Variants in RBPJ observed in about 807,000 individuals in gnomAD.
RBPJ encodes recombination signal binding protein for immunoglobulin kappa J region, also known as recombining binding protein suppressor of hairless.
A neutral mutation model predicts 67.8 loss-of-function variants in RBPJ; 9 were observed. The observed-to-expected ratio is 0.13, with a 90% CI of 0.08 to 0.23. RBPJ has a LOEUF of 0.23. RBPJ is among the 10% of genes least tolerant of loss of function. The probability of loss-of-function intolerance (pLI) is 1.00; values close to 1 mark genes in which losing one functional copy is unlikely to be tolerated. For missense variants in RBPJ, 305 were observed against 595.6 expected, an observed-to-expected ratio of 0.51 and a Z score of 5.08; for synonymous variants, 198 against 203.3, an observed-to-expected ratio of 0.97 and a Z score of 0.22.
chr4:26,212,001 C>T (rs1718441776), intron 1 of RBPJ, among the ~76,000 whole-genome samples: 3 of 152,234 alleles, frequency 2.0e-5, no homozygotes, highest in Admixed American at 2.0e-4. Context: ...TGCCAGCAAG[C>T]ACAGAAGCCA....
intron 1 of RBPJ, among the ~76,000 whole-genome samples, chr4:26,314,037 A>G (rs1475662087): frequency 6.6e-6 from 1 of 152,148 alleles, no homozygotes; most frequent in Admixed American, 6.5e-5. Context: ...TCTCTCACCT[A>G]TATCATCCAG....
At chr4:26,310,179 A>C (rs1161748065) in intron 1 of RBPJ, among the ~76,000 whole-genome samples, 2 of 152,188 alleles carry the variant, frequency 1.3e-5, no homozygotes, top group East Asian at 3.9e-4. Context: ...TGAAGCTGTG[A>C]TTCATTTTCA....
the RBPJ span, among the ~76,000 whole-genome samples, chr4:26,124,708 T>G: frequency 6.6e-6 from 1 of 151,974 alleles, no homozygotes; most frequent in African/African-American, 2.4e-5. Context: ...CCACAAGTGG[T>G]GTAGAAGTGT....
chr4:26,301,192 A>G (rs574611650), intron 1 of RBPJ, among the ~76,000 whole-genome samples: 3 of 152,314 alleles, frequency 2.0e-5, no homozygotes, highest in Admixed American at 2.0e-4. Context: ...GAAGTTAAGG[A>G]ACATACCCAA....
intron 1 of RBPJ, among the ~76,000 whole-genome samples, chr4:26,176,575 T>C (rs1406062732): frequency 6.6e-6 from 1 of 152,230 alleles, no homozygotes; most frequent in Non-Finnish European, 1.5e-5. Flanking sequence ...TCCCCTCCTG[T>C]AAACACTCAA....
chr4:26,132,295 CT>C, the RBPJ span, among the ~76,000 whole-genome samples: 1 of 152,214 alleles, frequency 6.6e-6, no homozygotes, highest in Non-Finnish European at 1.5e-5. Flanking sequence ...CTCAAGGACC[CT>C]TGGGCCCCAC....
intron 1 of RBPJ, among the ~76,000 whole-genome samples, chr4:26,202,923 GA>G (rs1718031389): frequency 9.1e-6 from 1 of 110,494 alleles, no homozygotes; most frequent in Non-Finnish European, 1.9e-5. Context: ...AAAAAAAAAA[GA>G]AAAAGAGAGA....
chr4:26,205,106 G>T (rs535056600), intron 1 of RBPJ, among the ~76,000 whole-genome samples: 1 of 152,180 alleles, frequency 6.6e-6, no homozygotes, highest in African/African-American at 2.4e-5. Flanking sequence ...CAGGGCTCCC[G>T]CTGGCCACCA....
At chr4:26,163,718 G>A (rs1390503908) in intron 1 of RBPJ, 2 of 152,312 alleles carry the variant, frequency 1.3e-5, no homozygotes, top group Non-Finnish European at 2.9e-5. Flanking sequence ...TTTTGCTACT[G>A]CCACCTCAAG....
chr4:26,238,121 A>T (rs1220813549), intron 1 of RBPJ, among the ~76,000 whole-genome samples: 1 of 152,072 alleles, frequency 6.6e-6, no homozygotes, highest in Non-Finnish European at 1.5e-5. Context: ...GAATACAGTG[A>T]CACAATCACA....
chr4:26,313,492 C>A (rs1419766608), intron 1 of RBPJ, among the ~76,000 whole-genome samples: 1 of 151,804 alleles, frequency 6.6e-6, no homozygotes, highest in East Asian at 1.9e-4. Context: ...ACAGTGAAAC[C>A]CCGTCTCTAC....
upstream of RBPJ, among the ~76,000 whole-genome samples, chr4:26,316,827 CTTTTTTT>C (rs56130072): frequency 9.8e-5 from 7 of 71,396 alleles, 1 homozygote; most frequent in South Asian, 5.1e-4. Flanking sequence ...ACCCAGACGA[CTTTTTTT>C]TTTTTTTTTT....
At chr4:26,202,577 T>G (rs1718016493) in intron 1 of RBPJ, among the ~76,000 whole-genome samples, 1 of 149,798 alleles carries the variant, frequency 6.7e-6, no homozygotes, top group Non-Finnish European at 1.5e-5. Flanking sequence ...AATCCCACAT[T>G]CAATCCACAG....
chr4:26,407,740 T>G (rs1733577915), intron 3 of RBPJ, among the ~76,000 whole-genome samples: 1 of 152,128 alleles, frequency 6.6e-6, no homozygotes, highest in African/African-American at 2.4e-5. Context: ...GATTGTGACA[T>G]AAAGGAAACC....
At chr4:26,344,533 C>T (rs1280052200) in intron 1 of RBPJ, among the ~76,000 whole-genome samples, 1 of 152,230 alleles carries the variant, frequency 6.6e-6, no homozygotes, top group Non-Finnish European at 1.5e-5. Context: ...CCGCGCCCGG[C>T]TGCTAACTAT....
the RBPJ span, among the ~76,000 whole-genome samples, chr4:26,139,768 CT>C: frequency 1.3e-5 from 2 of 152,214 alleles, no homozygotes; most frequent in Non-Finnish European, 2.9e-5. Context: ...AGATGAGCGT[CT>C]TTGCCTGTGC....
chr4:26,121,737 A>G, the RBPJ span, among the ~76,000 whole-genome samples: 1 of 152,176 alleles, frequency 6.6e-6, no homozygotes, highest in Non-Finnish European at 1.5e-5. Flanking sequence ...TTGACACAGT[A>G]ATTTAACAAT....
At position 26,424,258 on chromosome 4, in the gene RBPJ, C is replaced by G. The variant is rs1735418445; in HGVS notation, c.497-84C>G. On this transcript the variant is annotated intron_variant, in intron 5 of 10. Coordinates refer to ENST00000355476, the MANE Select transcript of RBPJ (RefSeq NM_015874.6). The surrounding 1 kb of genome is among the most constrained non-coding windows in gnomAD (Gnocchi z 5.3). ...TAAATGATAAGAAAGAATAATTATA[C>G]ACTGCCAAGCAGAATTTCCTTCTTT... The G allele has an allele frequency of 7.9e-7, 1 of 1,264,814 alleles. No individual in the cohort carries two copies. The highest frequency in any genetic ancestry group is 1.1e-6 in the Non-Finnish European group (1 of 885,808). 78.3% of individuals were successfully genotyped at this position (1,264,814 alleles called of 1,614,324 possible).
At chr4:26,167,867 T>A (rs1437399835) in intron 1 of RBPJ, among the ~76,000 whole-genome samples, 1 of 152,060 alleles carries the variant, frequency 6.6e-6, no homozygotes, top group Non-Finnish European at 1.5e-5. Context: ...CATAGATAGC[T>A]CTTATTATTA....
Sources: gnomAD v4.1 joint callset for allele counts (sites outside exome capture counted in the v4.1 genomes callset) on GRCh38, gnomAD v4.1.1 for gene constraint, Gnocchi (gnomAD v3.1) non-coding constraint, MANE v1.5 for transcripts, NCBI Gene and HGNC (gene_info 2026-07-23, HGNC 2026-07-21) for gene names.